Variants in AMDHD2 observed in about 807,000 individuals in gnomAD.
AMDHD2 encodes the protein N-acetylglucosamine-6-phosphate deacetylase.
In AMDHD2, 24 loss-of-function variants were observed where a neutral mutation model predicts 41.8. That is an observed-to-expected ratio of 0.57 (90% CI 0.42 to 0.81). The LOEUF (loss-of-function observed/expected upper bound fraction) is 0.81, where lower values mean the gene tolerates loss of function less well. Among genes scored for constraint, AMDHD2 ranks in the 30% least tolerant of loss-of-function variants. The pLI is 0.00. For synonymous variants in AMDHD2, 332 were observed against 255.5 expected (o/e 1.30, Z -2.85); for missense variants, 540 against 588.5 (o/e 0.92, Z 0.85).
Position 2,531,039 on chromosome 16 carries a change from C to T in AMDHD2, c.*1476C>T, listed in dbSNP as rs2066088411. Reference sequence around the variant, plus strand: ...GTTAGAGGTTGAGCATCGCCTGTGCCCAGCTTGCTGGCTGTCAGTGCTTGA... The same window carrying T: ...GTTAGAGGTTGAGCATCGCCTGTGCTCAGCTTGCTGGCTGTCAGTGCTTGA... On this transcript the variant is annotated 3_prime_UTR_variant, in exon 11 of 11. Transcript: ENST00000293971. 6.3e-7 allele frequency: 1 copy of T among 1,598,268 alleles called. No individual in the cohort carries two copies. The highest frequency in any genetic ancestry group is 8.6e-7 in the Non-Finnish European group (1 of 1,168,030).
At chr16:2,526,099 G>C (rs1323875939) in intron 3 of AMDHD2, among the ~76,000 whole-genome samples, 1 of 152,144 alleles carries the variant, frequency 6.6e-6, no homozygotes, top group Non-Finnish European at 1.5e-5. Context: ...CTGCTTCCCT[G>C]CCTGGCCCTG....
chr16:2,522,023 A>T (rs909602999), intron 3 of AMDHD2, among the ~76,000 whole-genome samples: 2 of 151,778 alleles, frequency 1.3e-5, no homozygotes, highest in Non-Finnish European at 2.9e-5. Flanking sequence ...TGACCTCGTG[A>T]TCCGCCCGCC....
At chr16:2,522,290 C>G (rs1012284133) in intron 3 of AMDHD2, among the ~76,000 whole-genome samples, 1 of 152,190 alleles carries the variant, frequency 6.6e-6, no homozygotes, top group African/African-American at 2.4e-5. Flanking sequence ...CTGTGTTGCC[C>G]AGGCTGGTTC....
At chr16:2,521,626 C>CT (rs1467291831) in intron 3 of AMDHD2, among the ~76,000 whole-genome samples, 1 of 151,978 alleles carries the variant, frequency 6.6e-6, no homozygotes, top group Non-Finnish European at 1.5e-5. Context: ...TGTCCTTGGT[C>CT]TTTTTTTATT....
chr16:2,521,244 CCTT>C (rs1344870601), intron 3 of AMDHD2, 121 bp downstream of exon 3: 7 of 1,275,254 alleles, frequency 5.5e-6, no homozygotes, highest in Non-Finnish European at 7.2e-6. Flanking sequence ...AGTCTGGCCT[CCTT>C]TGATGACCGG....
intron 3 of AMDHD2, among the ~76,000 whole-genome samples, chr16:2,521,600 C>T (rs1156316506): frequency 6.6e-6 from 1 of 152,102 alleles, no homozygotes; most frequent in South Asian, 2.1e-4. Context: ...TCTTTCCTGC[C>T]CGGAAGAAAT....
Position 2,529,740 on chromosome 16 carries a change from G to A in AMDHD2, c.*177G>A, listed in dbSNP as rs1455435537. 2.1e-6 allele frequency: 3 copies of A among 1,442,832 alleles called. No individual in the cohort carries two copies. The highest frequency in any genetic ancestry group is 2.7e-6 in the Non-Finnish European group (3 of 1,100,142). The allele number at this position is 1,442,832 out of a possible 1,614,324, so 89.4% of individuals were successfully genotyped here. ...ACGTGCACCCAGCAGGACTCGCCTT[G>A]GCTCCGGGTTTTGCTTGTGCTCACA... is the stretch of plus-strand genomic sequence containing the variant. On this transcript the variant is annotated 3_prime_UTR_variant, in exon 11 of 11. Transcript: ENST00000293971.
In AMDHD2 at chr16:2,528,289, C is replaced by A; in HGVS notation, c.771C>A (p.Pro257=). ...GGCTCCTGACCAGCGACCGGCTGCCCGCAGGCCGCTGCATCTTCTATGGGA... is the reference window on the plus strand; with the variant it reads ...GGCTCCTGACCAGCGACCGGCTGCCAGCAGGCCGCTGCATCTTCTATGGGA... ...IVGLLTSDRL[P]AGRCIFYGMI... is the part of the protein sequence containing the mutation. Residue 257 remains proline (P), a synonymous_variant, in exon 7 of 11, where the codon CCC becomes CCA. Coordinates refer to ENST00000293971, the MANE Select transcript of AMDHD2 (RefSeq NM_001330449.2). 2 of 1,612,514 alleles carry A rather than the reference C, an allele frequency of 1.2e-6. No homozygotes were observed. Among genetic ancestry groups the A allele is most frequent in the Non-Finnish European group, 8.5e-7 (1 of 1,179,922 alleles).
Position 2,529,484 on chromosome 16 carries a change from TG to T in AMDHD2, c.1152del (p.Leu385SerfsTer31). The T allele has an allele frequency of 6.2e-7, 1 of 1,610,874 alleles. No individual in the cohort carries two copies. The highest frequency in any genetic ancestry group is 8.5e-7 in the Non-Finnish European group (1 of 1,179,964). On this transcript the variant is annotated frameshift_variant, in exon 11 of 11. Transcript: ENST00000293971. LOFTEE classifies it high-confidence loss of function. ...CCCGGCTCTGTCCCAGACTTCGTGG[TG>T]CTCGACGACTCCCTTCACGTCCAGG... ...LDFGADADFV[V>X]LDDSLHVQAT...
intron 3 of AMDHD2, among the ~76,000 whole-genome samples, chr16:2,521,420 C>T (rs927338878): frequency 6.6e-6 from 1 of 152,160 alleles, no homozygotes; most frequent in African/African-American, 2.4e-5. Context: ...TGCCTCCAGG[C>T]TTCAGAAACC....
chr16:2,522,182 C>G (rs879626847), intron 3 of AMDHD2, among the ~76,000 whole-genome samples: 5 of 152,170 alleles, frequency 3.3e-5, no homozygotes, highest in Non-Finnish European at 5.9e-5. Flanking sequence ...CTTCTCTGCT[C>G]AAGCGATCCT....
rs1597000766 is a variant in AMDHD2, at chr16:2,529,587, C to T, written c.*24C>T. ...GACAAGGACCTCGGCTGAGAGGACA[C>T]CTGGCCGCAGCGGGATGCCATCAGG... is the stretch of plus-strand genomic sequence containing the variant. On this transcript the variant is annotated 3_prime_UTR_variant, in exon 11 of 11. Coordinates refer to ENST00000293971, the MANE Select transcript of AMDHD2 (RefSeq NM_001330449.2). 1.2e-6 allele frequency: 2 copies of T among 1,604,360 alleles called. No homozygotes were observed. Among genetic ancestry groups the T allele is most frequent in the Non-Finnish European group, 1.7e-6 (2 of 1,179,804 alleles).
chr16:2,525,562 T>C (rs1227175688), intron 3 of AMDHD2, among the ~76,000 whole-genome samples: 1 of 150,952 alleles, frequency 6.6e-6, no homozygotes, highest in African/African-American at 2.4e-5. Flanking sequence ...TTTATTTTTT[T>C]GAGATGGAGT....
At position 2,520,921 on chromosome 16, in the gene AMDHD2, G is replaced by A. The variant is rs1384167947; in HGVS notation, c.220+16G>A. The A allele has an allele frequency of 6.3e-7, 1 of 1,597,464 alleles. No individual in the cohort carries two copies. The highest frequency in any genetic ancestry group is 8.6e-7 in the Non-Finnish European group (1 of 1,169,308). ...CAGATCAACGGTGCGGCCCGGGGCC[G>A]GCAGGGGAACCCAGGGGAGGAGCTC... On this transcript the variant is annotated intron_variant, in intron 2 of 10. Coordinates refer to ENST00000293971, the MANE Select transcript of AMDHD2 (RefSeq NM_001330449.2).
intron 3 of AMDHD2, among the ~76,000 whole-genome samples, chr16:2,525,130 C>G (rs570681808): frequency 3.3e-5 from 5 of 151,706 alleles, no homozygotes; most frequent in African/African-American, 1.2e-4. Flanking sequence ...GATCTCTGCT[C>G]ACTGCAACCT....
rs1342105928 is a variant in AMDHD2 at position 2,528,456 on chromosome 16, G to A, written c.867G>A (p.Leu289=). Residue 289 remains leucine, a synonymous_variant, in exon 8 of 11, where the codon CTG becomes CTA. Transcript: ENST00000293971. ...TCTGAGCCTCTTCTCCCCCAGGGCT[G>A]GTGCTGGTCACCGATGCCATCCCTG... The part of the protein sequence containing the change: ...RIAHRAHPQG[L]VLVTDAIPAL... The A allele has an allele frequency of 1.2e-6, 2 of 1,612,860 alleles. No individual in the cohort carries two copies. The highest frequency in any genetic ancestry group is 2.2e-5 in the South Asian group (2 of 91,086).
Position 2,529,566 on chromosome 16 carries a change from AG to A in AMDHD2, c.*5del, listed in dbSNP as rs779820263. On this transcript the variant is annotated 3_prime_UTR_variant, in exon 11 of 11. Transcript: ENST00000293971. Reference sequence around the variant, plus strand: ...AGGCGGACGCAGCTAGGCAGTGACAAGGACCTCGGCTGAGAGGACACCTGGC... The same window carrying A: ...AGGCGGACGCAGCTAGGCAGTGACAAGACCTCGGCTGAGAGGACACCTGGC... 9.1e-5 allele frequency: 146 copies of A among 1,606,846 alleles called. 1 individual carries two copies. In the African/African-American group the frequency reaches 1.6e-3, roughly 18 times the overall value.
Position 2,527,929 on chromosome 16 carries a change from G to A in AMDHD2, c.572G>A (p.Gly191Asp). 1.3e-6 allele frequency: 2 copies of A among 1,598,368 alleles called. No individual in the cohort carries two copies. Among genetic ancestry groups the A allele is most frequent in the Non-Finnish European group, 1.7e-6 (2 of 1,178,686 alleles). Residue 191 changes from glycine (G) to aspartate (D), a missense_variant, in exon 5 of 11, where the codon GGC becomes GAC. Coordinates refer to ENST00000293971, the MANE Select transcript of AMDHD2 (RefSeq NM_001330449.2). This position sits in a 1 kb window ranked among gnomAD's most constrained non-coding sequence, Gnocchi z 6.1. ...VRIVTLAPEL[G>D]RSHEVIRALT... is the part of the protein sequence containing the mutation. ...ATCGTGACGCTGGCCCCAGAGTTGG[G>A]CCGTAGCCACGAAGTGATCCGGGCG...
chr16:2,526,074 C>G (rs1434958785), intron 3 of AMDHD2, among the ~76,000 whole-genome samples: 1 of 152,220 alleles, frequency 6.6e-6, no homozygotes, highest in Admixed American at 6.5e-5. Flanking sequence ...CCCTGTCCAT[C>G]TCTCCTCGTG....
Sources: allele counts gnomAD v4.1 joint callset (sites outside exome capture counted in the v4.1 genomes callset), GRCh38; gene constraint gnomAD v4.1.1; non-coding constraint Gnocchi (gnomAD v3.1); transcripts MANE v1.5; gene names NCBI Gene and HGNC (gene_info 2026-07-23, HGNC 2026-07-21).